CTNNA3: variants seen among roughly 807,000 people sequenced by gnomAD.
CTNNA3 encodes catenin alpha-3.
Under a neutral mutation model 95.7 loss-of-function variants are expected in CTNNA3, and 76 were observed. The ratio of observed to expected loss-of-function variants is 0.79; its 90% CI spans 0.66 to 0.96. The LOEUF (loss-of-function observed/expected upper bound fraction) is 0.96, where lower values mean the gene tolerates loss of function less well. Among genes scored for constraint, CTNNA3 ranks in the 40% least tolerant of loss-of-function variants. The pLI, the probability that CTNNA3 is intolerant of heterozygous loss-of-function variation, is 0.00. For synonymous variants in CTNNA3, 431 were observed against 374.4 expected, an observed-to-expected ratio of 1.15 and a Z score of -1.74; for missense variants, 1,191 against 1,089.8, an observed-to-expected ratio of 1.09 and a Z score of -1.31.
intron 12 of CTNNA3, among the ~76,000 whole-genome samples, chr10:66,339,549 G>T (rs946959034): frequency 1.3e-5 from 2 of 151,694 alleles, no homozygotes; most frequent in Non-Finnish European, 3.0e-5. Context: ...GACAGTAAAG[G>T]AAAGATTTTA....
At chr10:66,519,439 T>C (rs1314089247) in intron 11 of CTNNA3, among the ~76,000 whole-genome samples, 1 of 152,140 alleles carries the variant, frequency 6.6e-6, no homozygotes, top group African/African-American at 2.4e-5. Flanking sequence ...GAAAGGAAAA[T>C]AAATCTTGGA....
intron 12 of CTNNA3, among the ~76,000 whole-genome samples, chr10:66,337,585 A>C (rs1022255699): frequency 6.6e-6 from 1 of 151,870 alleles, no homozygotes; most frequent in Non-Finnish European, 1.5e-5. Flanking sequence ...CAGATTCTTA[A>C]TCATTACCCT....
At chr10:66,157,472 A>G (rs895398878) in intron 13 of CTNNA3, among the ~76,000 whole-genome samples, 2 of 141,622 alleles carry the variant, frequency 1.4e-5, no homozygotes, top group African/African-American at 5.5e-5. Context: ...AGATAGACAG[A>G]TGATAGATAG....
intron 9 of CTNNA3, among the ~76,000 whole-genome samples, chr10:66,671,106 C>G (rs1269909699): frequency 6.6e-6 from 1 of 152,120 alleles, no homozygotes; most frequent in Non-Finnish European, 1.5e-5. Context: ...TTGTAGGAAG[C>G]AATTATCAGT....
chr10:66,380,720 T>A (rs562545114), intron 11 of CTNNA3, among the ~76,000 whole-genome samples: 1 of 151,570 alleles, frequency 6.6e-6, no homozygotes, highest in Non-Finnish European at 1.5e-5. Context: ...ATTCATATAT[T>A]TCATAATGAT....
At chr10:67,629,184 G>A (rs1839056985) in intron 2 of CTNNA3, among the ~76,000 whole-genome samples, 1 of 151,450 alleles carries the variant, frequency 6.6e-6, no homozygotes, top group Non-Finnish European at 1.5e-5. Flanking sequence ...ACTTTTTAAA[G>A]GCTACAATTC....
intron 7 of CTNNA3, among the ~76,000 whole-genome samples, chr10:67,014,060 CT>C (rs1325697863): frequency 1.3e-5 from 2 of 152,076 alleles, no homozygotes; most frequent in East Asian, 3.9e-4. Context: ...AAAAAATAAC[CT>C]TTTTTCCCCT....
intron 5 of CTNNA3, among the ~76,000 whole-genome samples, chr10:67,347,645 GT>G (rs1842478098): frequency 1.3e-5 from 2 of 151,974 alleles, no homozygotes; most frequent in African/African-American, 4.8e-5. Flanking sequence ...AGTACTCTTA[GT>G]TTCAATATTT....
In CTNNA3 at chr10:67,130,607, C is replaced by T. The variant is rs546040435; in HGVS notation, c.1047+49710G>A. On this transcript the variant is annotated intron_variant, in intron 7 of 17. Coordinates refer to ENST00000433211, the MANE Select transcript of CTNNA3 (RefSeq NM_013266.4). Reference sequence around the variant, plus strand: ...AAATATACTCAATACAAGGGCCTAACGATTTGTTGAAGAGATCTTTTCAAT... The same window carrying T: ...AAATATACTCAATACAAGGGCCTAATGATTTGTTGAAGAGATCTTTTCAAT... Among the ~76,000 whole-genome samples the T allele has an allele frequency of 1.0e-3, 152 of 152,158 alleles. 1 individual carries two copies. Among genetic ancestry groups the T allele is most frequent in the African/African-American group, 3.6e-3 (148 of 41,520 alleles).
chr10:67,455,598 T>C (rs1236061070), intron 5 of CTNNA3, among the ~76,000 whole-genome samples: 1 of 152,122 alleles, frequency 6.6e-6, no homozygotes, highest in African/African-American at 2.4e-5. Context: ...CAATAGAATG[T>C]CCCCTTTATA....
At chr10:67,552,671 A>C (rs1250771530) in intron 3 of CTNNA3, among the ~76,000 whole-genome samples, 1 of 151,562 alleles carries the variant, frequency 6.6e-6, no homozygotes, top group Non-Finnish European at 1.5e-5. Flanking sequence ...TCCCTCCCCA[A>C]CCCAACCCCT....
intron 15 of CTNNA3, among the ~76,000 whole-genome samples, chr10:66,051,904 A>G (rs559534158): frequency 6.6e-6 from 1 of 152,288 alleles, no homozygotes; most frequent in East Asian, 1.9e-4. Context: ...TATTTCTTCT[A>G]AAACATTTAA....
intron 13 of CTNNA3, among the ~76,000 whole-genome samples, chr10:66,117,754 G>A (rs183210761): frequency 7.2e-5 from 11 of 152,226 alleles, no homozygotes; most frequent in African/African-American, 2.6e-4. Context: ...TTAAGTCAAT[G>A]GTTTTCAAAA....
intron 7 of CTNNA3, among the ~76,000 whole-genome samples, chr10:67,139,049 T>C (rs960250861): frequency 1.3e-5 from 2 of 152,218 alleles, no homozygotes; most frequent in Non-Finnish European, 2.9e-5. Context: ...AGCTACAGTG[T>C]GAAAATAAAA....
intron 11 of CTNNA3, among the ~76,000 whole-genome samples, chr10:66,382,555 A>G (rs975190147): frequency 3.3e-5 from 5 of 152,160 alleles, no homozygotes; most frequent in Admixed American, 2.6e-4. Flanking sequence ...ACTCTGTCAG[A>G]CAGCTATGAA....
chr10:67,066,918 G>T (rs952160625), intron 7 of CTNNA3, among the ~76,000 whole-genome samples: 1 of 152,150 alleles, frequency 6.6e-6, no homozygotes, highest in African/African-American at 2.4e-5. Context: ...TTGGACATGA[G>T]CAATATTTAT....
chr10:66,687,010 A>T (rs1330050768), intron 9 of CTNNA3, among the ~76,000 whole-genome samples: 1 of 152,092 alleles, frequency 6.6e-6, no homozygotes, highest in Non-Finnish European at 1.5e-5. Flanking sequence ...AGCTCAAAGA[A>T]CTTGATGATA....
At chr10:66,995,442 T>G (rs1041091907) in intron 7 of CTNNA3, among the ~76,000 whole-genome samples, 1 of 152,186 alleles carries the variant, frequency 6.6e-6, no homozygotes, top group Non-Finnish European at 1.5e-5. Context: ...CCCCTGCTTC[T>G]AGATGTACCT....
At chr10:67,534,054 G>A (rs1840417322) in intron 4 of CTNNA3, among the ~76,000 whole-genome samples, 1 of 151,112 alleles carries the variant, frequency 6.6e-6, no homozygotes, top group Non-Finnish European at 1.5e-5. Flanking sequence ...ATAAGTGTCA[G>A]GAGGGAAAAA....
Sources: allele counts gnomAD v4.1 joint callset (sites outside exome capture counted in the v4.1 genomes callset), GRCh38; gene constraint gnomAD v4.1.1; transcripts MANE v1.5; gene names NCBI Gene and HGNC (gene_info 2026-07-23, HGNC 2026-07-21).